Variants in CELSR2 observed in about 807,000 individuals in gnomAD.
CELSR2 encodes EGF-like protein 2.
In CELSR2, 81 loss-of-function variants were observed where a neutral mutation model predicts 251.6. That is an observed-to-expected ratio of 0.32 (90% CI 0.27 to 0.39). The LOEUF (loss-of-function observed/expected upper bound fraction) is 0.39. CELSR2 is among the 10% of genes least tolerant of loss of function. The probability of loss-of-function intolerance (pLI) is 1.00; values close to 1 mark genes in which losing one functional copy is unlikely to be tolerated. For missense variants in CELSR2, 3,365 were observed against 3,947.7 expected (o/e 0.85, Z 3.96); for synonymous variants, 1,721 against 1,670.5 (o/e 1.03, Z -0.74).
At chr1:109,253,424 T>C (rs1655756160) in intron 1 of CELSR2, 35 bp downstream of exon 1, 1 of 1,590,380 alleles carries the variant, frequency 6.3e-7, no homozygotes, top group Non-Finnish European at 8.5e-7. Context: ...GGGGTGGGGG[T>C]AGCTCGCGGG....
chr1:109,257,893 G>A (rs576688525), intron 1 of CELSR2, among the ~76,000 whole-genome samples: 32 of 152,190 alleles, frequency 2.1e-4, no homozygotes, highest in Non-Finnish European at 3.5e-4. Flanking sequence ...GCAGGTCTGC[G>A]CGCCCAAGCA....
intron 1 of CELSR2, among the ~76,000 whole-genome samples, chr1:109,254,755 C>G (rs1655797721): frequency 1.3e-5 from 2 of 152,162 alleles, no homozygotes; most frequent in African/African-American, 4.8e-5. Flanking sequence ...CCTCCCTGCC[C>G]CACCCTTCAA....
rs756699389 is a variant in CELSR2 at position 109,268,458 on chromosome 1, A to G, written c.6319-123A>G. On this transcript the variant is annotated intron_variant, in intron 17 of 33. Transcript: ENST00000271332. Reference sequence around the variant, plus strand: ...CCAGGAGCATTTCAGGGGAGGCAACAGTGAGCACAGAGGGAGGGGCCTGGT... The same window carrying G: ...CCAGGAGCATTTCAGGGGAGGCAACGGTGAGCACAGAGGGAGGGGCCTGGT... 41 of 1,295,876 alleles carry G rather than the reference A, an allele frequency of 3.2e-5. No homozygotes were observed. The Middle Eastern group carries it at 3.3e-3, about 105-fold the overall frequency. 80.3% of individuals were successfully genotyped at this position (1,295,876 alleles called of 1,614,324 possible). A position where few individuals can be genotyped will look rare whatever the true frequency, so the allele number is the denominator to read the frequency against.
chr1:109,272,364 C>T lies in CELSR2; in HGVS notation c.8013C>T (p.Arg2671=). The part of the protein sequence containing the change: ...DSAGSLHSTS[R]SGKSQPSYIP... ...CCGGCTCTCTGCACAGCACCAGTCG[C>T]TCGGGCAAGAGTCAGCCCAGCTACA... The change falls in exon 29 of 34, where the codon CGC becomes CGT. Residue 2671 remains arginine (R), a synonymous_variant. Transcript: ENST00000271332. The T allele has an allele frequency of 6.2e-7, 1 of 1,612,414 alleles. No individual in the cohort carries two copies. The highest frequency in any genetic ancestry group is 8.5e-7 in the Non-Finnish European group (1 of 1,178,926).
chr1:109,252,061 A>G lies in CELSR2; in HGVS notation c.1982A>G (p.Gln661Arg), dbSNP rs1655708105. The change falls in exon 1 of 34, where the codon CAA becomes CGA. Residue 661 changes from glutamine (Q) to arginine (R), a missense_variant. Gln to Arg is a conservative substitution (Grantham distance 43). Coordinates refer to ENST00000271332, the MANE Select transcript of CELSR2 (RefSeq NM_001408.3). The surrounding 1 kb of genome is among the most constrained non-coding windows in gnomAD (Gnocchi z 4.8). ...CGAAACCGCTTCTCCATCACCAGCC[A>G]AAGTGGTGGTGGGCTGGTATCCCTT... ...NTRNRFSITS[Q>R]SGGGLVSLAL... is the part of the protein sequence containing the mutation. 1 of 1,614,112 alleles carries G rather than the reference A, an allele frequency of 6.2e-7. No individual in the cohort carries two copies. Among genetic ancestry groups the G allele is most frequent in the Non-Finnish European group, 8.5e-7 (1 of 1,180,026 alleles).
rs762064117 is a variant in CELSR2, at chr1:109,271,713, C to G, written c.7917C>G (p.Thr2639=). 4 of 1,613,832 alleles carry G rather than the reference C, an allele frequency of 2.5e-6. No homozygotes were observed. Among genetic ancestry groups the G allele is most frequent in the Non-Finnish European group, 3.4e-6 (4 of 1,179,976 alleles). The change falls in exon 28 of 34, where the codon ACC becomes ACG. Residue 2639 remains threonine (T), a synonymous_variant. Coordinates refer to ENST00000271332, the MANE Select transcript of CELSR2 (RefSeq NM_001408.3). ...SPDPALTTKS[T]LTSSYNCPSP... is the part of the protein sequence containing the mutation. ...ACCCTGCTCTGACCACCAAGTCCACCCTGACCTCGGTGAGGGAGCCAGGGG... is the reference window on the plus strand; with the variant it reads ...ACCCTGCTCTGACCACCAAGTCCACGCTGACCTCGGTGAGGGAGCCAGGGG...
At chr1:109,255,506 C>T (rs1181635350) in intron 1 of CELSR2, among the ~76,000 whole-genome samples, 1 of 152,226 alleles carries the variant, frequency 6.6e-6, no homozygotes, top group Non-Finnish European at 1.5e-5. Context: ...CTCAGACACG[C>T]AGCAGCTCCT....
At chr1:109,262,234 C>A in intron 5 of CELSR2, 53 bp from the exon 6 acceptor site, 1 of 1,594,564 alleles carries the variant, frequency 6.3e-7, no homozygotes, top group Admixed American at 1.7e-5. Context: ...TGGCCATGAA[C>A]CTAGTGGGCT....
Position 109,269,340 on chromosome 1 carries a change from G to C in CELSR2, c.6812+50G>C. ...GGTAGGGGTATGGGTCGGGCGGTGA[G>C]TGCTGAGGCATGGAGGGGGTCGGGG... On this transcript the variant is annotated intron_variant, in intron 20 of 33. Coordinates refer to ENST00000271332, the MANE Select transcript of CELSR2 (RefSeq NM_001408.3). The surrounding 1 kb of genome is among the most constrained non-coding windows in gnomAD (Gnocchi z 6.4). The C allele has an allele frequency of 6.2e-7, 1 of 1,611,096 alleles. No individual in the cohort carries two copies. The highest frequency in any genetic ancestry group is 8.5e-7 in the Non-Finnish European group (1 of 1,178,778).
intron 6 of CELSR2, 60 bp from the exon 7 acceptor site, chr1:109,262,746 G>T: frequency 1.9e-6 from 3 of 1,585,192 alleles, no homozygotes; most frequent in South Asian, 2.3e-5. Flanking sequence ...GCGGCAGAGC[G>T]AGCGGAGGAC....
chr1:109,266,097 C>G lies in CELSR2; in HGVS notation c.5912-8C>G. ...TGCTCCTGGGTGACCATGTGCTCTT[C>G]CCCGCAGTGAATTATGACAGCTGCC... On this transcript the variant is annotated splice_region_variant and splice_polypyrimidine_tract_variant and intron_variant, in intron 14 of 33. Transcript: ENST00000271332. 6.2e-7 allele frequency: 1 copy of G among 1,613,742 alleles called. No homozygotes were observed. The highest frequency in any genetic ancestry group is 1.1e-5 in the South Asian group (1 of 91,070).
rs1557738853 is a variant in CELSR2, at chr1:109,273,999, ACTTTC to A, written c.8745-15_8745-11del. ...TAACCCTCTGTCTGCCTTTTCTGCC[ACTTTC>A]CTTTCCTGCCTCTCCAGATTTCTCT... On this transcript the variant is annotated intron_variant, in intron 33 of 33. Transcript: ENST00000271332. 4.3e-6 allele frequency: 7 copies of A among 1,613,832 alleles called. No individual in the cohort carries two copies. In the Admixed American group the frequency reaches 8.3e-5, roughly 19 times the overall value.
At chr1:109,273,925 C>T in intron 33 of CELSR2, 97 bp from the exon 34 acceptor site, 1 of 1,510,738 alleles carries the variant, frequency 6.6e-7, no homozygotes, top group Non-Finnish European at 9.2e-7. Context: ...GGGGTGCTTT[C>T]CTGTTTCCTT....
intron 1 of CELSR2, among the ~76,000 whole-genome samples, chr1:109,255,987 G>T (rs906652711): frequency 3.3e-5 from 5 of 152,206 alleles, no homozygotes; most frequent in Admixed American, 2.6e-4. Flanking sequence ...GGGCTGAGGG[G>T]TGGCAAAGTT....
At chr1:109,262,639 C>G (rs915592810) in intron 6 of CELSR2, among the ~76,000 whole-genome samples, 167 bp from the exon 7 acceptor site, 1 of 152,160 alleles carries the variant, frequency 6.6e-6, no homozygotes, top group Non-Finnish European at 1.5e-5. Flanking sequence ...GCTGAGTGTT[C>G]GACAAGAACA....
In CELSR2 at chr1:109,271,684, C is replaced by T; in HGVS notation, c.7888C>T (p.Pro2630Ser). ...GCTTGCCTGCAGCCGCAAGCCCAGC[C>T]CTGACCCTGCTCTGACCACCAAGTC... is the stretch of plus-strand genomic sequence containing the variant. ...LKLACSRKPS[P>S]DPALTTKSTL... The change falls in exon 28 of 34, where the codon CCT (proline) becomes TCT (serine). Residue 2630 changes from proline to serine, a missense_variant. Physicochemically the swap from Pro to Ser is moderately conservative, Grantham distance 74. This residue lies in a region of CELSR2 where 2,093 missense variants were observed against 2,382.8 expected (regional missense o/e 0.88). Transcript: ENST00000271332. 4.3e-6 allele frequency: 7 copies of T among 1,614,038 alleles called. No homozygotes were observed. The highest frequency in any genetic ancestry group is 5.9e-6 in the Non-Finnish European group (7 of 1,180,040).
In CELSR2 at chr1:109,263,626, A is replaced by G. The variant is rs201617080; in HGVS notation, c.4850A>G (p.Gln1617Arg). 5.0e-6 allele frequency: 8 copies of G among 1,613,810 alleles called. No homozygotes were observed. Among genetic ancestry groups the G allele is most frequent in the Admixed American group, 3.3e-5 (2 of 59,986 alleles). The change falls in exon 9 of 34, where the codon CAG (glutamine) becomes CGG (arginine). Residue 1617 changes from glutamine (Q) to arginine (R), a missense_variant. Gln to Arg is a conservative substitution (Grantham distance 43). Transcript: ENST00000271332. ...GCCTCCCCAGAAATGGCCAATCCAC[A>G]GCACTTCCTGGGCAGCAGCCTGGTG... Reference protein sequence around the residue: ...KSCAQEMANPQHFLGSSLVAW... With the variant: ...KSCAQEMANPRHFLGSSLVAW...
rs894691837 is a variant in CELSR2, at chr1:109,251,964, G to A, written c.1885G>A (p.Val629Met). The A allele has an allele frequency of 5.0e-6, 8 of 1,613,964 alleles. No homozygotes were observed. The African/African-American group carries it at 6.7e-5, about 13-fold the overall frequency. ...LNEDAAVGTS[V>M]VTVSAVDRDA... ...TGAGGATGCAGCTGTGGGCACCAGC[G>A]TGGTGACGGTGTCAGCTGTGGACCG... Residue 629 changes from valine to methionine, a missense_variant, in exon 1 of 34, where the codon GTG becomes ATG. Around this residue, in one of 5 missense-constraint regions of CELSR2, gnomAD observed 60 missense variants for 104.8 expected, o/e 0.57. Transcript: ENST00000271332. The surrounding 1 kb of genome is among the most constrained non-coding windows in gnomAD (Gnocchi z 4.9).
Position 109,264,943 on chromosome 1 carries a change from C to T in CELSR2, c.5540C>T (p.Pro1847Leu). 6.2e-7 allele frequency: 1 copy of T among 1,614,170 alleles called. No homozygotes were observed. The highest frequency in any genetic ancestry group is 1.1e-5 in the South Asian group (1 of 91,084). ...CACCAGTCTGTGTGTACCCGCAAGCCCAGTGCCCCCCATGGCTATACCTGC... is the reference window on the plus strand; with the variant it reads ...CACCAGTCTGTGTGTACCCGCAAGCTCAGTGCCCCCCATGGCTATACCTGC... ...CEHQSVCTRKPSAPHGYTCEC... is the reference protein window; with the variant it reads ...CEHQSVCTRKLSAPHGYTCEC... The change falls in exon 12 of 34, where the codon CCC (proline) becomes CTC (leucine). Residue 1847 changes from proline to leucine, a missense_variant. Physicochemically the swap from Pro to Leu is moderately conservative, Grantham distance 98. Transcript: ENST00000271332.
Sources: gnomAD v4.1 joint callset for allele counts (sites outside exome capture counted in the v4.1 genomes callset) on GRCh38, gnomAD v4.1.1 for gene constraint, gnomAD v4.1.1 regional missense constraint, Gnocchi (gnomAD v3.1) non-coding constraint, MANE v1.5 for transcripts, NCBI Gene and HGNC (gene_info 2026-07-23, HGNC 2026-07-21) for gene names.